KIAA0825: variants seen among roughly 807,000 people sequenced by gnomAD.
KIAA0825 encodes KIAA0825.
KIAA0825 carries 119 observed loss-of-function variants against 147.6 expected under a neutral mutation model. The ratio of observed to expected loss-of-function variants is 0.81; its 90% confidence interval spans 0.69 to 0.94. The LOEUF (loss-of-function observed/expected upper bound fraction) is 0.94, where lower values mean the gene tolerates loss of function less well. Among genes scored for constraint, KIAA0825 ranks in the 40% least tolerant of loss-of-function variants. The pLI, the probability that KIAA0825 is intolerant of heterozygous loss-of-function variation, is 0.00. For synonymous variants in KIAA0825, 470 were observed against 518.1 expected, an observed-to-expected ratio of 0.91 and a Z score of 1.26; for missense variants, 1,381 against 1,472.7, an observed-to-expected ratio of 0.94 and a Z score of 1.02.
chr5:94,579,048 C>T (rs570362008), intron 2 of KIAA0825, among the ~76,000 whole-genome samples: 2 of 152,206 alleles, frequency 1.3e-5, no homozygotes, highest in South Asian at 2.1e-4. Flanking sequence ...GCCCCGCCCC[C>T]GTAGCTGGGA....
At chr5:94,553,404 C>T (rs994668415) in intron 2 of KIAA0825, among the ~76,000 whole-genome samples, 2 of 146,994 alleles carry the variant, frequency 1.4e-5, no homozygotes, top group Admixed American at 6.9e-5. Context: ...CACACCATTG[C>T]ACTCCAGCCT....
intron 20 of KIAA0825, among the ~76,000 whole-genome samples, chr5:94,271,624 T>C (rs994849091): frequency 3.9e-5 from 6 of 152,072 alleles, no homozygotes; most frequent in African/African-American, 1.2e-4. Flanking sequence ...GGTGCATACT[T>C]GTAATCCCAG....
At chr5:94,392,285 T>C (rs956272547) in intron 17 of KIAA0825, among the ~76,000 whole-genome samples, 1 of 152,224 alleles carries the variant, frequency 6.6e-6, no homozygotes, top group African/African-American at 2.4e-5. Flanking sequence ...GACCCACTCC[T>C]GTTTCTTTCT....
chr5:94,420,278 T>C (rs1274837795), intron 14 of KIAA0825, among the ~76,000 whole-genome samples: 4 of 152,146 alleles, frequency 2.6e-5, no homozygotes, highest in Non-Finnish European at 4.4e-5. Flanking sequence ...AATAGTTCTA[T>C]GGAATGGGTG....
intron 20 of KIAA0825, among the ~76,000 whole-genome samples, chr5:94,195,932 C>G (rs1771090234): frequency 6.6e-6 from 1 of 152,142 alleles, no homozygotes; most frequent in Admixed American, 6.5e-5. Context: ...CATGGCCCCT[C>G]AGTGCCCCTT....
At chr5:94,460,516 A>G (rs1017390463) in intron 12 of KIAA0825, among the ~76,000 whole-genome samples, 4 of 152,142 alleles carry the variant, frequency 2.6e-5, no homozygotes, top group African/African-American at 9.6e-5. Flanking sequence ...CATATCACAT[A>G]GAGTGACAAA....
intron 20 of KIAA0825, among the ~76,000 whole-genome samples, chr5:94,222,274 G>A (rs1284617045): frequency 6.6e-6 from 1 of 152,080 alleles, no homozygotes; most frequent in Non-Finnish European, 1.5e-5. Flanking sequence ...CCTCTCCCAG[G>A]CAACCAACAT....
chr5:94,187,402 G>GTT (rs34689731), intron 20 of KIAA0825, among the ~76,000 whole-genome samples: 4,141 of 105,612 alleles, frequency 0.039, 88 homozygotes, highest in Non-Finnish European at 0.046. Flanking sequence ...AGAGAAAGGA[G>GTT]TTTTTTTTTT....
chr5:94,396,477 T>C lies in KIAA0825; in HGVS notation c.2920A>G (p.Ile974Val), dbSNP rs972790575. The change falls in exon 17 of 21, where the codon ATT becomes GTT. Residue 974 changes from isoleucine (I) to valine (V), a missense_variant. Physicochemically the swap from Ile to Val is conservative, Grantham distance 29. Transcript: ENST00000682413. ...FTRLTAQAVS[I>V]VISKLPTVIA... is the part of the protein sequence containing the mutation. The stretch of plus-strand genomic sequence containing the variant: ...ACCGTAGGTAACTTGCTGATTACAA[T>C]AGATACTGCCTGAGCAGTAAGCCTT... 2.9e-5 allele frequency: 44 copies of C among 1,520,718 alleles called. No individual in the cohort carries two copies. Among genetic ancestry groups the C allele is most frequent in the Middle Eastern group, 3.4e-4 (2 of 5,824 alleles). The allele number at this position is 1,520,718 out of a possible 1,614,324, so 94.2% of individuals were successfully genotyped here.
chr5:94,247,454 C>T (rs58078497), intron 20 of KIAA0825, among the ~76,000 whole-genome samples: 6,085 of 152,130 alleles, frequency 0.04, 185 homozygotes, highest in East Asian at 0.12. Flanking sequence ...TTATTTACAT[C>T]GACCCAGGGG....
At chr5:94,236,214 A>G (rs1286529053) in intron 20 of KIAA0825, among the ~76,000 whole-genome samples, 1 of 152,262 alleles carries the variant, frequency 6.6e-6, no homozygotes, top group Non-Finnish European at 1.5e-5. Flanking sequence ...GATGCCAATA[A>G]GAACATTTGT....
chr5:94,267,305 A>C (rs1480591825), intron 20 of KIAA0825, among the ~76,000 whole-genome samples: 1 of 152,150 alleles, frequency 6.6e-6, no homozygotes, highest in Non-Finnish European at 1.5e-5. Flanking sequence ...GGCTTATTTG[A>C]GATTGTGATT....
intron 20 of KIAA0825, among the ~76,000 whole-genome samples, chr5:94,332,557 T>C (rs931329071): frequency 2.6e-5 from 4 of 152,204 alleles, no homozygotes; most frequent in Admixed American, 2.0e-4. Flanking sequence ...CATTAACTCA[T>C]TCCTTTTTAT....
intron 10 of KIAA0825, among the ~76,000 whole-genome samples, chr5:94,469,467 C>A (rs1334920284): frequency 6.6e-6 from 1 of 151,960 alleles, no homozygotes; most frequent in Admixed American, 6.6e-5. Flanking sequence ...CCACCGCACC[C>A]GGCCTCAAAT....
chr5:94,595,404 C>T (rs1238798012), intron 1 of KIAA0825, among the ~76,000 whole-genome samples: 12 of 152,194 alleles, frequency 7.9e-5, no homozygotes, highest in Admixed American at 4.6e-4. Flanking sequence ...CTGAGCTGTA[C>T]GTTGCTCCCT....
chr5:94,379,007 C>T (rs1747994494), intron 20 of KIAA0825, among the ~76,000 whole-genome samples: 2 of 152,080 alleles, frequency 1.3e-5, no homozygotes, highest in African/African-American at 4.8e-5. Flanking sequence ...GATATTAGAC[C>T]TTTGTCAGAT....
chr5:94,362,871 G>A (rs1745268071), intron 20 of KIAA0825, among the ~76,000 whole-genome samples: 1 of 152,112 alleles, frequency 6.6e-6, no homozygotes, highest in African/African-American at 2.4e-5. Flanking sequence ...GTATTTTGTG[G>A]GCTATATAAT....
intron 15 of KIAA0825, among the ~76,000 whole-genome samples, chr5:94,409,636 A>G (rs1036969537): frequency 1.1e-4 from 17 of 152,228 alleles, no homozygotes; most frequent in Admixed American, 9.8e-4. Context: ...ACAACTATTG[A>G]GAAACTGTTA....
chr5:94,555,893 A>G (rs1314067286), intron 2 of KIAA0825, among the ~76,000 whole-genome samples: 3 of 152,202 alleles, frequency 2.0e-5, no homozygotes, highest in Non-Finnish European at 4.4e-5. Context: ...AGATCATGAG[A>G]TTAATGATAT....
Sources: allele counts gnomAD v4.1 joint callset (sites outside exome capture counted in the v4.1 genomes callset), GRCh38; gene constraint gnomAD v4.1.1; transcripts MANE v1.5; gene names NCBI Gene and HGNC (gene_info 2026-07-23, HGNC 2026-07-21).